Variants in RPN2 observed in about 807,000 individuals in gnomAD.
RPN2 encodes ribophorin II.
RPN2 carries 29 observed loss-of-function variants against 71.4 expected under a neutral mutation model. That is an observed-to-expected ratio of 0.41 (90% CI 0.30 to 0.55). The LOEUF (loss-of-function observed/expected upper bound fraction) is 0.55. Ranked by LOEUF, RPN2 falls within the 20% of genes least tolerant of loss-of-function variation. The pLI, the probability that RPN2 is intolerant of heterozygous loss-of-function variation, is 0.35. For synonymous variants in RPN2, 308 were observed against 305.0 expected, an observed-to-expected ratio of 1.01 and a Z score of -0.10; for missense variants, 726 against 774.1, an observed-to-expected ratio of 0.94 and a Z score of 0.74.
At chr20:37,237,640 C>A (rs2068433847) in intron 16 of RPN2, among the ~76,000 whole-genome samples, 1 of 152,200 alleles carries the variant, frequency 6.6e-6, no homozygotes. Flanking sequence ...AGACTCGGCA[C>A]AGACGTGTTC....
intron 11 of RPN2, among the ~76,000 whole-genome samples, chr20:37,226,176 C>T (rs1277376314): frequency 1.3e-5 from 2 of 152,068 alleles, no homozygotes; most frequent in South Asian, 2.1e-4. Context: ...TAGGTTCAAG[C>T]GATTCTCCTA....
intron 13 of RPN2, among the ~76,000 whole-genome samples, 180 bp downstream of exon 13, chr20:37,230,239 G>A (rs1191199685): frequency 6.6e-6 from 1 of 152,250 alleles, no homozygotes; most frequent in African/African-American, 2.4e-5. Flanking sequence ...GGTTTAAAGA[G>A]TCCGGTGACT....
intron 16 of RPN2, 121 bp from the exon 17 acceptor site, chr20:37,241,182 C>T (rs2068539877): frequency 2.7e-6 from 3 of 1,116,800 alleles, no homozygotes; most frequent in Non-Finnish European, 4.0e-6. Context: ...AATGATTATT[C>T]CCTTATAAAT....
intron 10 of RPN2, among the ~76,000 whole-genome samples, chr20:37,225,448 A>G (rs2068053692): frequency 6.6e-6 from 1 of 152,190 alleles, no homozygotes; most frequent in Non-Finnish European, 1.5e-5. Flanking sequence ...AGGTACAAGC[A>G]TCTGTACACA....
rs73291763 is a variant in RPN2 at position 37,193,706 on chromosome 20, T to G, written c.208-4691T>G. Among the ~76,000 whole-genome samples, 783 of 152,256 alleles carry G rather than the reference T, an allele frequency of 5.1e-3. 5 individuals carry two copies. The highest frequency in any genetic ancestry group is 0.018 in the African/African-American group (746 of 41,552). The stretch of plus-strand genomic sequence containing the variant: ...CTGCATGGATGGGTAGTTGGGCCAT[T>G]CCATGAGATAGCAACACAGGAAGAC... On this transcript the variant is annotated intron_variant, in intron 2 of 16. Transcript: ENST00000237530.
rs143814648 is a variant in RPN2 at position 37,207,386 on chromosome 20, C to G, written c.804C>G (p.His268Gln). 9 of 1,614,174 alleles carry G rather than the reference C, an allele frequency of 5.6e-6. No homozygotes were observed. In the Admixed American group the frequency reaches 1.5e-4, roughly 27 times the overall value. The change falls in exon 7 of 17, where the codon CAC becomes CAG. Residue 268 changes from histidine to glutamine, a missense_variant. Transcript: ENST00000237530. ...AAAVLSHNRY[H>Q]VPVVVVPEGS... ...CTGTGCTCTCGCATAATCGCTACCA[C>G]GTGCCAGTTGTGGTTGTGCCTGAGG...
chr20:37,209,649 T>C (rs1203352819), intron 7 of RPN2, among the ~76,000 whole-genome samples: 1 of 142,132 alleles, frequency 7.0e-6, no homozygotes, highest in Non-Finnish European at 1.5e-5. Flanking sequence ...TTTAAAAAAC[T>C]TTTTTTTTTT....
chr20:37,213,953 G>A, intron 9 of RPN2, 88 bp downstream of exon 9: 1 of 991,276 alleles, frequency 1.0e-6, no homozygotes, highest in Non-Finnish European at 1.6e-6. Context: ...CTGGTGCATT[G>A]ACTTTTCTCT....
chr20:37,235,652 ATTTTTT>A (rs1200482247), intron 15 of RPN2, among the ~76,000 whole-genome samples: 1 of 151,830 alleles, frequency 6.6e-6, no homozygotes, highest in Non-Finnish European at 1.5e-5. Context: ...TTTTATTTTT[ATTTTTT>A]ATTTTTTTGA....
At chr20:37,220,757 C>A (rs1006575984) in intron 9 of RPN2, among the ~76,000 whole-genome samples, 2 of 152,110 alleles carry the variant, frequency 1.3e-5, no homozygotes, top group East Asian at 3.8e-4. Context: ...GAAAAAGTTA[C>A]GATTTTTATT....
chr20:37,233,264 T>G (rs2068298231), intron 14 of RPN2, among the ~76,000 whole-genome samples: 1 of 152,146 alleles, frequency 6.6e-6, no homozygotes, highest in African/African-American at 2.4e-5. Context: ...GTTGGTCATC[T>G]CTGAGGAGTG....
chr20:37,198,638 T>G, intron 3 of RPN2, 146 bp downstream of exon 3: 4 of 960,996 alleles, frequency 4.2e-6, no homozygotes, highest in Non-Finnish European at 6.1e-6. Flanking sequence ...TTTTTTTTCC[T>G]TAAGAAAGTA....
chr20:37,236,503 G>T, intron 15 of RPN2, 77 bp from the exon 16 acceptor site: 1 of 1,483,268 alleles, frequency 6.7e-7, no homozygotes, highest in Non-Finnish European at 9.4e-7. Context: ...TCCAACAGTT[G>T]CTATGTCTAA....
rs546768849 is a variant in RPN2 at position 37,179,377 on chromosome 20, G to A, written c.13+8G>A. On this transcript the variant is annotated splice_region_variant and intron_variant, in intron 1 of 16. Transcript: ENST00000237530. The stretch of plus-strand genomic sequence containing the variant: ...GAGGAATGGCGCCGCCGGGTGAGGA[G>A]TTGCGCGTGGCTTTGGGGAGAGGGC... 6.3e-5 allele frequency: 19 copies of A among 301,876 alleles called. No individual in the cohort carries two copies. The highest frequency in any genetic ancestry group is 1.6e-4 in the Admixed American group (1 of 6,236). The allele number at this position is 301,876 out of a possible 1,614,324, so 18.7% of individuals were successfully genotyped here.
intron 9 of RPN2, 29 bp from the exon 10 acceptor site, chr20:37,223,849 T>A: frequency 6.3e-7 from 1 of 1,594,396 alleles, no homozygotes. Flanking sequence ...CCAATTGACC[T>A]GGCAACTGTC....
intron 9 of RPN2, among the ~76,000 whole-genome samples, chr20:37,223,228 T>C (rs1442025780): frequency 6.6e-6 from 1 of 152,240 alleles, no homozygotes; most frequent in Non-Finnish European, 1.5e-5. Flanking sequence ...AGTAGAATTC[T>C]ACCACATGCT....
rs73291768 is a variant in RPN2 at position 37,194,985 on chromosome 20, G to A, written c.208-3412G>A. On this transcript the variant is annotated intron_variant, in intron 2 of 16. Coordinates refer to ENST00000237530, the MANE Select transcript of RPN2 (RefSeq NM_002951.5). ...GCCTCCGTATTTGATTAGGTTCAGG[G>A]AGTTGTAGGGGAAAACCTATGATGG... 5.1e-3 allele frequency among the ~76,000 whole-genome samples: 783 copies of A among 152,280 alleles called. 5 individuals carry two copies. Among genetic ancestry groups the A allele is most frequent in the African/African-American group, 0.018 (746 of 41,558 alleles).
chr20:37,217,895 G>A, intron 9 of RPN2, among the ~76,000 whole-genome samples: 1 of 151,746 alleles, frequency 6.6e-6, no homozygotes, highest in East Asian at 1.9e-4. Flanking sequence ...CACCATGCCT[G>A]GCTAATTTTT....
At position 37,241,477 on chromosome 20, in the gene RPN2, C is replaced by A; in HGVS notation, c.*162C>A. On this transcript the variant is annotated 3_prime_UTR_variant, in exon 17 of 17. Transcript: ENST00000237530. ...TGCTTGTTTTTCAGTTTCCCCAACA[C>A]ACAGCAGATACCTGGTGAGCTCAGA... is the stretch of plus-strand genomic sequence containing the variant. 1 of 771,410 alleles carries A rather than the reference C, an allele frequency of 1.3e-6. No individual in the cohort carries two copies. Among genetic ancestry groups the A allele is most frequent in the Admixed American group, 2.4e-5 (1 of 41,504 alleles). The allele number at this position is 771,410 out of a possible 1,614,324, so 47.8% of individuals were successfully genotyped here. A position where few individuals can be genotyped will look rare whatever the true frequency, so the allele number is the denominator to read the frequency against.
Sources: gnomAD v4.1 joint callset for allele counts (sites outside exome capture counted in the v4.1 genomes callset) on GRCh38, gnomAD v4.1.1 for gene constraint, MANE v1.5 for transcripts, NCBI Gene and HGNC (gene_info 2026-07-23, HGNC 2026-07-21) for gene names.